Variants in CPNE8 observed in about 807,000 individuals in gnomAD.
CPNE8 encodes copine 8, also known as copine-8.
CPNE8 carries 45 observed loss-of-function variants against 81.5 expected under a neutral mutation model. That is an observed-to-expected ratio of 0.55 (90% confidence interval 0.44 to 0.71). The LOEUF (loss-of-function observed/expected upper bound fraction) is 0.71. Ranked by LOEUF, CPNE8 falls within the 30% of genes least tolerant of loss-of-function variation. The pLI, the probability that CPNE8 is intolerant of heterozygous loss-of-function variation, is 0.00. For synonymous variants in CPNE8, 252 were observed against 226.3 expected, an observed-to-expected ratio of 1.11 and a Z score of -1.02; for missense variants, 594 against 672.1, an observed-to-expected ratio of 0.88 and a Z score of 1.28.
At chr12:38,851,584 A>T (rs1943647130) in intron 3 of CPNE8, among the ~76,000 whole-genome samples, 2 of 152,172 alleles carry the variant, frequency 1.3e-5, no homozygotes, top group South Asian at 4.1e-4. Context: ...AGCTCCCATC[A>T]TCAGCCTAAC....
intron 6 of CPNE8, among the ~76,000 whole-genome samples, chr12:38,786,298 G>A (rs1336061618): frequency 6.6e-6 from 1 of 152,188 alleles, no homozygotes; most frequent in African/African-American, 2.4e-5. Flanking sequence ...GTGTGTGTGA[G>A]GGTGCTGCCA....
rs777354932 is a variant in CPNE8, at chr12:38,653,838, C to G, written c.*44G>C. On this transcript the variant is annotated 3_prime_UTR_variant, in exon 20 of 20. Transcript: ENST00000331366. ...GAGCACCAGGCACAAAGCATTAACTCAGCACTTTTGATTTGTAGTTGACAT... is the reference window on the plus strand; with the variant it reads ...GAGCACCAGGCACAAAGCATTAACTGAGCACTTTTGATTTGTAGTTGACAT... The G allele has an allele frequency of 5.6e-6, 9 of 1,596,060 alleles. No homozygotes were observed. The highest frequency in any genetic ancestry group is 1.8e-5 in the Admixed American group (1 of 56,600).
chr12:38,697,348 G>T (rs989483802), intron 14 of CPNE8, among the ~76,000 whole-genome samples: 2 of 152,082 alleles, frequency 1.3e-5, no homozygotes, highest in African/African-American at 4.8e-5. Context: ...GCATGTATTA[G>T]TGCTTTATTT....
At chr12:38,852,675 C>G (rs1221430745) in intron 3 of CPNE8, among the ~76,000 whole-genome samples, 2 of 152,048 alleles carry the variant, frequency 1.3e-5, no homozygotes, top group Non-Finnish European at 2.9e-5. Flanking sequence ...GAACAGGACA[C>G]AGACATGTGT....
chr12:38,878,816 C>G (rs1944104932), intron 1 of CPNE8, among the ~76,000 whole-genome samples: 1 of 152,142 alleles, frequency 6.6e-6, no homozygotes, highest in Non-Finnish European at 1.5e-5. Flanking sequence ...CAAGACCTAA[C>G]TAAGCACTAT....
At chr12:38,749,392 G>T (rs1003442600) in intron 10 of CPNE8, among the ~76,000 whole-genome samples, 1 of 152,184 alleles carries the variant, frequency 6.6e-6, no homozygotes, top group African/African-American at 2.4e-5. Context: ...AGTAGAGTGA[G>T]GTGTTGCTGA....
chr12:38,713,492 T>C (rs1940312705), intron 13 of CPNE8, among the ~76,000 whole-genome samples: 1 of 152,094 alleles, frequency 6.6e-6, no homozygotes, highest in African/African-American at 2.4e-5. Context: ...GTGTGACTCG[T>C]GGAGAGAGTA....
At chr12:38,705,260 C>T (rs561202831) in intron 13 of CPNE8, among the ~76,000 whole-genome samples, 5 of 152,060 alleles carry the variant, frequency 3.3e-5, no homozygotes, top group Admixed American at 1.3e-4. Context: ...TAAAGCAATC[C>T]GATTCTGCTA....
intron 13 of CPNE8, 146 bp from the exon 14 acceptor site, chr12:38,703,067 T>A: frequency 2.1e-6 from 1 of 486,684 alleles, no homozygotes; most frequent in East Asian, 3.2e-5. Flanking sequence ...TTGGATAGCA[T>A]CAGATAGGCA....
chr12:38,892,230 T>C (rs762808973), intron 1 of CPNE8, among the ~76,000 whole-genome samples: 6 of 152,194 alleles, frequency 3.9e-5, no homozygotes, highest in Non-Finnish European at 8.8e-5. Context: ...GGTGCCCATG[T>C]CTGAGATAAG....
intron 15 of CPNE8, among the ~76,000 whole-genome samples, chr12:38,686,570 C>A (rs1592009531): frequency 6.6e-6 from 1 of 152,204 alleles, no homozygotes; most frequent in African/African-American, 2.4e-5. Flanking sequence ...TGGCTTAAAG[C>A]AATGAACATT....
At chr12:38,793,711 GA>G (rs536333206) in intron 6 of CPNE8, among the ~76,000 whole-genome samples, 2,978 of 151,266 alleles carry the variant, frequency 0.02, 96 homozygotes, top group African/African-American at 0.068. Context: ...GAAATAAATA[GA>G]AAAAAAATCA....
chr12:38,754,947 A>T (rs1449203937), intron 10 of CPNE8, among the ~76,000 whole-genome samples: 1 of 152,214 alleles, frequency 6.6e-6, no homozygotes, highest in African/African-American at 2.4e-5. Context: ...AGAGTAAGTG[A>T]GGAAACAAAA....
chr12:38,773,733 T>C (rs780358849), intron 7 of CPNE8, among the ~76,000 whole-genome samples: 1 of 152,170 alleles, frequency 6.6e-6, no homozygotes, highest in Non-Finnish European at 1.5e-5. Context: ...CCAATACTTT[T>C]AATGTTCCCT....
At chr12:38,790,347 C>T (rs546887718) in intron 6 of CPNE8, among the ~76,000 whole-genome samples, 19 of 151,772 alleles carry the variant, frequency 1.3e-4, no homozygotes, top group Admixed American at 5.3e-4. Flanking sequence ...CACAGAAAGG[C>T]AAACATTGCA....
chr12:38,760,964 A>G, intron 9 of CPNE8, 76 bp from the exon 10 acceptor site: 1 of 1,172,046 alleles, frequency 8.5e-7, no homozygotes, highest in Middle Eastern at 2.0e-4. Flanking sequence ...TTTAAAAATA[A>G]GTTGTTTTTC....
At chr12:38,691,312 G>A (rs546441704) in intron 15 of CPNE8, among the ~76,000 whole-genome samples, 6 of 152,086 alleles carry the variant, frequency 3.9e-5, no homozygotes, top group African/African-American at 1.2e-4. Context: ...TTTTCTCACC[G>A]TTGGTAATGA....
chr12:38,697,634 G>C (rs181869365), intron 14 of CPNE8, among the ~76,000 whole-genome samples: 2 of 152,148 alleles, frequency 1.3e-5, no homozygotes, highest in Non-Finnish European at 2.9e-5. Context: ...TAGTTTGGAT[G>C]TTTGTCCCCT....
At chr12:38,700,821 G>A (rs1034881306) in intron 14 of CPNE8, among the ~76,000 whole-genome samples, 2 of 152,020 alleles carry the variant, frequency 1.3e-5, no homozygotes, top group African/African-American at 4.8e-5. Flanking sequence ...AGATCTGATG[G>A]TCTTATAAAG....
Sources: gnomAD v4.1 joint callset for allele counts (sites outside exome capture counted in the v4.1 genomes callset) on GRCh38, gnomAD v4.1.1 for gene constraint, MANE v1.5 for transcripts, NCBI Gene and HGNC (gene_info 2026-07-23, HGNC 2026-07-21) for gene names.